The following SNX27 variants were observed in gnomAD, a reference collection of about 807,000 sequenced individuals.
The protein encoded by SNX27 is sorting nexin 27.
In SNX27, 22 loss-of-function variants were observed where a neutral mutation model predicts 71.6. That is an observed-to-expected ratio of 0.31 (90% confidence interval 0.22 to 0.44). SNX27 has a LOEUF of 0.44. SNX27 is among the 20% of genes least tolerant of loss of function. The probability of loss-of-function intolerance (pLI) is 1.00; values close to 1 mark genes in which losing one functional copy is unlikely to be tolerated. For missense variants in SNX27, 531 were observed against 698.6 expected (o/e 0.76, Z 2.70); for synonymous variants, 269 against 277.2 (o/e 0.97, Z 0.29).
At chr1:151,648,412 ATTTC>A (rs749756144) in intron 2 of SNX27, among the ~76,000 whole-genome samples, 4 of 150,324 alleles carry the variant, frequency 2.7e-5, no homozygotes, top group African/African-American at 4.9e-5. Flanking sequence ...CATATTTACC[ATTTC>A]TTTCTTTCTT....
At position 151,692,982 on chromosome 1, in the gene SNX27, T is replaced by C. The variant is rs759403534; in HGVS notation, c.1461T>C (p.Cys487=). The part of the protein sequence containing the change: ...WDTDEEGMAF[C]FEYARGEKKP... ...CAGATGAAGAAGGGATGGCCTTCTGTTTCGAATATGCACGAGGAGAGAAGA... is the reference window on the plus strand; with the variant it reads ...CAGATGAAGAAGGGATGGCCTTCTGCTTCGAATATGCACGAGGAGAGAAGA... The change falls in exon 10 of 12, where the codon TGT becomes TGC. Residue 487 remains cysteine (C), a synonymous_variant. Transcript: ENST00000458013. 1 of 1,614,172 alleles carries C rather than the reference T, an allele frequency of 6.2e-7. No individual in the cohort carries two copies. Among genetic ancestry groups the C allele is most frequent in the South Asian group, 1.1e-5 (1 of 91,082 alleles).
chr1:151,651,930 G>A (rs1269024505), intron 2 of SNX27, among the ~76,000 whole-genome samples: 3 of 151,968 alleles, frequency 2.0e-5, no homozygotes, highest in African/African-American at 7.2e-5. Flanking sequence ...CTGAGTGAAC[G>A]AGACTCCGTC....
intron 2 of SNX27, among the ~76,000 whole-genome samples, chr1:151,640,390 T>TA (rs1157322451): frequency 2.0e-5 from 3 of 152,168 alleles, no homozygotes; most frequent in Non-Finnish European, 4.4e-5. Flanking sequence ...ATTATATATA[T>TA]TTTTTAAGAC....
At chr1:151,669,279 T>G (rs1053719466) in intron 7 of SNX27, 5 of 152,144 alleles carry the variant, frequency 3.3e-5, no homozygotes, top group African/African-American at 9.7e-5. Flanking sequence ...ATTTGTAAGG[T>G]CAATATGCAG....
chr1:151,674,919 C>T (rs1364933225), intron 7 of SNX27, among the ~76,000 whole-genome samples: 1 of 152,026 alleles, frequency 6.6e-6, no homozygotes, highest in Admixed American at 6.6e-5. Context: ...ATCTCTTGAC[C>T]TTGTGATCTG....
intron 7 of SNX27, chr1:151,678,049 G>A (rs1265345306): frequency 6.6e-6 from 1 of 151,782 alleles, no homozygotes; most frequent in African/African-American, 2.4e-5. Context: ...TTTAAAGGAG[G>A]GGACAGAATC....
intron 1 of SNX27, among the ~76,000 whole-genome samples, chr1:151,632,007 C>T (rs1668259949): frequency 6.6e-6 from 1 of 152,064 alleles, no homozygotes; most frequent in East Asian, 1.9e-4. Context: ...TCTAGGCCTC[C>T]TAAGAAAAAG....
intron 7 of SNX27, chr1:151,676,270 A>T (rs1571859563): frequency 1.2e-4 from 7 of 56,484 alleles, no homozygotes; most frequent in African/African-American, 4.7e-4. Context: ...AGTGCTATTA[A>T]TTTTTTTTTT....
chr1:151,688,065 G>A (rs183379397), intron 8 of SNX27, among the ~76,000 whole-genome samples: 1 of 151,996 alleles, frequency 6.6e-6, no homozygotes, highest in African/African-American at 2.4e-5. Context: ...CAATTCTCTG[G>A]CTTAAATGGG....
At chr1:151,615,567 G>A in intron 1 of SNX27, 1 of 359,206 alleles carries the variant, frequency 2.8e-6, no homozygotes, top group Non-Finnish European at 3.9e-6. Context: ...AGTTCTTAAA[G>A]TTTACCTCTG....
rs1231475693 is a variant in SNX27 at position 151,643,691 on chromosome 1, G to A, written c.543+4572G>A. 4.6e-5 allele frequency among the ~76,000 whole-genome samples: 7 copies of A among 150,826 alleles called. No homozygotes were observed. The East Asian group carries it at 9.9e-4, about 21-fold the overall frequency. On this transcript the variant is annotated intron_variant, in intron 2 of 11. Coordinates refer to ENST00000458013, the MANE Select transcript of SNX27 (RefSeq NM_001330723.2). ...TTTTTTATTTTTTAGACAGAGTTTC[G>A]CTCTTGTTGCTCAGGCTAGAGTGCA... is the stretch of plus-strand genomic sequence containing the variant.
At chr1:151,642,740 G>A (rs921297791) in intron 2 of SNX27, among the ~76,000 whole-genome samples, 1 of 151,904 alleles carries the variant, frequency 6.6e-6, no homozygotes, top group Admixed American at 6.6e-5. Flanking sequence ...CATGGTTCAC[G>A]CCATTCTCCT....
chr1:151,680,166 T>G (rs1476626350), intron 7 of SNX27: 1 of 151,118 alleles, frequency 6.6e-6, no homozygotes, highest in Non-Finnish European at 1.5e-5. Context: ...TTTTTTTTTT[T>G]TTTGAGACAG....
Position 151,683,450 on chromosome 1 carries a change from G to A in SNX27, c.1239+5G>A. 1 of 1,608,508 alleles carries A rather than the reference G, an allele frequency of 6.2e-7. No individual in the cohort carries two copies. The highest frequency in any genetic ancestry group is 8.5e-7 in the Non-Finnish European group (1 of 1,175,992). On this transcript the variant is annotated splice_donor_5th_base_variant and intron_variant, in intron 8 of 11. Transcript: ENST00000458013. The stretch of plus-strand genomic sequence containing the variant: ...GAACAAAGAAAAATGGTCATGGTAA[G>A]TTTATGTCCCCATAATCCCTTTAAA...
intron 4 of SNX27, 163 bp downstream of exon 4, chr1:151,661,025 C>T: frequency 5.5e-6 from 3 of 549,162 alleles, no homozygotes; most frequent in Non-Finnish European, 6.6e-6. Context: ...CCTTTAAGAC[C>T]TAGGTCCACT....
chr1:151,645,702 A>G (rs1465308552), intron 2 of SNX27, among the ~76,000 whole-genome samples: 3 of 152,240 alleles, frequency 2.0e-5, no homozygotes, highest in Admixed American at 6.5e-5. Context: ...TCTTTTCCCT[A>G]TATGTTTGAG....
chr1:151,662,231 CAG>C lies in SNX27; in HGVS notation c.868_869del (p.Arg290GlyfsTer2), dbSNP rs1160318987. The C allele has an allele frequency of 6.2e-7, 1 of 1,613,452 alleles. No individual in the cohort carries two copies. The highest frequency in any genetic ancestry group is 1.7e-5 in the Admixed American group (1 of 60,010). On this transcript the variant is annotated frameshift_variant, in exon 5 of 12. Transcript: ENST00000458013. LOFTEE classifies it high-confidence loss of function. ...ALPDGTTVTV[R>X]VKKNSTTDQV... is the part of the protein sequence containing the mutation. ...TACCAGATGGAACAACGGTTACAGT[CAG>C]GGTTAAAAAGAACAGTACTACAGAC...
At chr1:151,661,943 T>C (rs888644464) in intron 4 of SNX27, among the ~76,000 whole-genome samples, 2 of 152,240 alleles carry the variant, frequency 1.3e-5, no homozygotes, top group African/African-American at 2.4e-5. Context: ...TGTGAACACG[T>C]TGGCTTCAAC....
chr1:151,665,084 C>G (rs1261190515), intron 5 of SNX27, among the ~76,000 whole-genome samples: 1 of 152,026 alleles, frequency 6.6e-6, no homozygotes, highest in Non-Finnish European at 1.5e-5. Flanking sequence ...TACTAATAAT[C>G]AACAGTTTTA....
Sources: allele counts gnomAD v4.1 joint callset (sites outside exome capture counted in the v4.1 genomes callset), GRCh38; gene constraint gnomAD v4.1.1; transcripts MANE v1.5; gene names NCBI Gene and HGNC (gene_info 2026-07-23, HGNC 2026-07-21).